Variants in IL36RN observed in about 807,000 individuals in gnomAD.
IL36RN encodes the protein interleukin 36 receptor antagonist.
A neutral mutation model predicts 13.0 loss-of-function variants in IL36RN; 11 were observed. The observed-to-expected ratio is 0.85, with a 90% confidence interval of 0.53 to 1.40. IL36RN has a LOEUF of 1.40. Ranked by LOEUF, IL36RN falls within the 40% of genes most tolerant of loss-of-function variation. IL36RN has a pLI of 0.00. For synonymous variants in IL36RN, 94 were observed against 84.1 expected, an observed-to-expected ratio of 1.12 and a Z score of -0.64; for missense variants, 195 against 195.3, an observed-to-expected ratio of 1.00 and a Z score of 0.01.
intron 2 of IL36RN, 125 bp downstream of exon 2, chr2:113,059,592 AC>A: frequency 9.2e-7 from 1 of 1,085,848 alleles, no homozygotes; most frequent in Non-Finnish European, 1.4e-6. Context: ...GGAAATTGTG[AC>A]CAGCACCTCA....
At chr2:113,061,996 T>C in intron 3 of IL36RN, 128 bp from the exon 4 acceptor site, 1 of 1,284,788 alleles carries the variant, frequency 7.8e-7, no homozygotes. Context: ...TGACAGCTGC[T>C]GAGAAGCCTC....
intron 2 of IL36RN, 128 bp from the exon 3 acceptor site, chr2:113,060,724 G>A (rs2105067896): frequency 1.4e-6 from 1 of 734,228 alleles, no homozygotes. Flanking sequence ...AGGCTGTGCT[G>A]TTACTTCTGG....
intron 2 of IL36RN, among the ~76,000 whole-genome samples, chr2:113,059,878 T>C (rs1530549): frequency 0.1 from 15,915 of 152,186 alleles, 879 homozygotes; most frequent in Admixed American, 0.14. Context: ...TTACCATCAG[T>C]CAGTCTGTCC....
In IL36RN at chr2:113,060,737, C is replaced by T; in HGVS notation, c.30-115C>T. ...CAAGGCTGTGCTGTTACTTCTGGCA[C>T]AGTAGGAAGAAAGAGAGACAAAATG... On this transcript the variant is annotated intron_variant, in intron 2 of 4. Coordinates refer to ENST00000393200, the MANE Select transcript of IL36RN (RefSeq NM_012275.3). 5 of 765,226 alleles carry T rather than the reference C, an allele frequency of 6.5e-6. No individual in the cohort carries two copies. The South Asian group carries it at 7.4e-5, about 11-fold the overall frequency. 47.4% of individuals were successfully genotyped at this position (765,226 alleles called of 1,614,324 possible).
intron 2 of IL36RN, among the ~76,000 whole-genome samples, chr2:113,060,631 T>C (rs1229854842): frequency 3.3e-5 from 5 of 152,132 alleles, no homozygotes; most frequent in African/African-American, 4.8e-5. Flanking sequence ...TTGAATAGGG[T>C]GAAGGAGCAA....
At chr2:113,062,419 T>G in intron 4 of IL36RN, 34 bp from the exon 5 acceptor site, 2 of 1,612,336 alleles carry the variant, frequency 1.2e-6, no homozygotes, top group Non-Finnish European at 1.7e-6. Flanking sequence ...CCCCTGCTTC[T>G]GCCCTCACCT....
At position 113,062,183 on chromosome 2, in the gene IL36RN, C is replaced by T; in HGVS notation, c.175C>T (p.Leu59=). 1 of 1,614,116 alleles carries T rather than the reference C, an allele frequency of 6.2e-7. No individual in the cohort carries two copies. Among genetic ancestry groups the T allele is most frequent in the African/African-American group, 1.3e-5 (1 of 75,054 alleles). ...WLDASLSPVI[L]GVQGGSQCLS... ...GGATGCCAGCCTGTCCCCCGTCATC[C>T]TGGGTGTCCAGGGTGGAAGCCAGTG... Residue 59 remains leucine, a synonymous_variant, in exon 4 of 5, where the codon CTG becomes TTG. Transcript: ENST00000393200.
In IL36RN at chr2:113,064,026, T is replaced by C. The variant is rs1190080372; in HGVS notation, c.*1349T>C. The C allele has an allele frequency of 6.6e-6, 1 of 152,138 alleles. No individual in the cohort carries two copies. The highest frequency in any genetic ancestry group is 1.5e-5 in the Non-Finnish European group (1 of 68,010). 9.4% of individuals were successfully genotyped at this position (152,138 alleles called of 1,614,324 possible). On this transcript the variant is annotated 3_prime_UTR_variant, in exon 5 of 5. Transcript: ENST00000393200. ...TGGATGAAGGTAGACCTAAATTCAA[T>C]ATGACTGGTTTCCTTGTATGAAAAG... is the stretch of plus-strand genomic sequence containing the variant.
At chr2:113,062,364 G>A in intron 4 of IL36RN, 89 bp from the exon 5 acceptor site, 2 of 1,604,856 alleles carry the variant, frequency 1.2e-6, no homozygotes, top group Non-Finnish European at 1.7e-6. Flanking sequence ...TCTGTTGATG[G>A]CAGCTTTGCC....
Position 113,062,817 on chromosome 2 carries a change from C to T in IL36RN, c.*140C>T. The stretch of plus-strand genomic sequence containing the variant: ...AGTGGGCACCTGACCACTTTGTCTT[C>T]TGGTTCCCAGTTTGGATAAATTCTG... On this transcript the variant is annotated 3_prime_UTR_variant, in exon 5 of 5. Coordinates refer to ENST00000393200, the MANE Select transcript of IL36RN (RefSeq NM_012275.3). 1.3e-6 allele frequency: 1 copy of T among 764,576 alleles called. No individual in the cohort carries two copies. The highest frequency in any genetic ancestry group is 1.5e-5 in the South Asian group (1 of 66,566). 47.4% of individuals were successfully genotyped at this position (764,576 alleles called of 1,614,324 possible).
At position 113,062,863 on chromosome 2, in the gene IL36RN, G is replaced by A. The variant is rs1469520142; in HGVS notation, c.*186G>A. On this transcript the variant is annotated 3_prime_UTR_variant, in exon 5 of 5. Coordinates refer to ENST00000393200, the MANE Select transcript of IL36RN (RefSeq NM_012275.3). Reference sequence around the variant, plus strand: ...TTCTGAGATTTGGAGCTCAGTCCACGGTCCTCCCCCACTGGATGGTGCTAC... The same window carrying A: ...TTCTGAGATTTGGAGCTCAGTCCACAGTCCTCCCCCACTGGATGGTGCTAC... The A allele has an allele frequency of 9.1e-6, 6 of 658,600 alleles. No individual in the cohort carries two copies. Among genetic ancestry groups the A allele is most frequent in the African/African-American group, 3.5e-5 (2 of 56,354 alleles). 40.8% of individuals were successfully genotyped at this position (658,600 alleles called of 1,614,324 possible).
intron 2 of IL36RN, among the ~76,000 whole-genome samples, chr2:113,059,859 C>G (rs1246905432): frequency 6.6e-6 from 1 of 152,180 alleles, no homozygotes; most frequent in Non-Finnish European, 1.5e-5. Flanking sequence ...AATAATAAAA[C>G]AAAAACCATT....
intron 1 of IL36RN, 79 bp downstream of exon 1, chr2:113,059,320 A>G (rs1275876867): frequency 4.5e-6 from 5 of 1,118,554 alleles, no homozygotes; most frequent in Admixed American, 3.6e-5. Context: ...GGCTGTTCAC[A>G]TGCTGGGGAG....
intron 4 of IL36RN, 31 bp downstream of exon 4, chr2:113,062,282 C>T (rs751374265): frequency 4.6e-5 from 75 of 1,613,302 alleles, no homozygotes; most frequent in Non-Finnish European, 5.9e-5. Context: ...ACTGGGGACT[C>T]AGCCACAGAT....
Position 113,063,390 on chromosome 2 carries a change from CA to C in IL36RN, c.*716del, listed in dbSNP as rs1159158766. On this transcript the variant is annotated 3_prime_UTR_variant, in exon 5 of 5. Transcript: ENST00000393200. The stretch of plus-strand genomic sequence containing the variant: ...ATGACATATTGAGAAGACCTACTTA[CA>C]AAGTGGCATATATTGCAATTTATTT... The C allele has an allele frequency of 2.0e-5, 3 of 152,726 alleles. No homozygotes were observed. The highest frequency in any genetic ancestry group is 4.4e-5 in the Non-Finnish European group (3 of 68,470). 9.5% of individuals were successfully genotyped at this position (152,726 alleles called of 1,614,324 possible). A position where few individuals can be genotyped will look rare whatever the true frequency, so the allele number is the denominator to read the frequency against.
In IL36RN at chr2:113,060,902, T is replaced by C. The variant is rs387906914; in HGVS notation, c.80T>C (p.Leu27Pro). ...CTTTATCTGCATAATAACCAGCTTC[T>C]AGCTGGAGGGCTGCATGCAGGGAAG... is the stretch of plus-strand genomic sequence containing the variant. The part of the protein sequence containing the change: ...KVLYLHNNQL[L>P]AGGLHAGKVI... The change falls in exon 3 of 5, where the codon CTA (leucine) becomes CCA (proline). Residue 27 changes from leucine (L) to proline (P), a missense_variant. Transcript: ENST00000393200. The C allele has an allele frequency of 4.3e-5, 69 of 1,614,008 alleles. 1 individual carries two copies. In the Admixed American group the frequency reaches 9.8e-4, roughly 23 times the overall value.
chr2:113,062,428 C>T, intron 4 of IL36RN, 25 bp from the exon 5 acceptor site: 1 of 1,613,364 alleles, frequency 6.2e-7, no homozygotes, highest in Non-Finnish European at 8.5e-7. Context: ...CTGCCCTCAC[C>T]TGACCTCCCC....
Position 113,060,838 on chromosome 2 carries a change from T to A in IL36RN, c.30-14T>A, listed in dbSNP as rs886054766. 6.2e-7 allele frequency: 1 copy of A among 1,606,238 alleles called. No individual in the cohort carries two copies. Among genetic ancestry groups the A allele is most frequent in the Non-Finnish European group, 8.5e-7 (1 of 1,173,012 alleles). On this transcript the variant is annotated splice_polypyrimidine_tract_variant and intron_variant, in intron 2 of 4. Transcript: ENST00000393200. Reference sequence around the variant, plus strand: ...TCCTCCTAATGTAGTCCTCACCCCTTCCTGATGTTTCAGAATGAAGGACTC... The same window carrying A: ...TCCTCCTAATGTAGTCCTCACCCCTACCTGATGTTTCAGAATGAAGGACTC...
chr2:113,061,900 G>C (rs1685647946), intron 3 of IL36RN, among the ~76,000 whole-genome samples: 1 of 152,162 alleles, frequency 6.6e-6, no homozygotes, highest in South Asian at 2.1e-4. Context: ...ATTTGACCCT[G>C]AACTAGAGGG....
Sources: allele counts gnomAD v4.1 joint callset (sites outside exome capture counted in the v4.1 genomes callset), GRCh38; gene constraint gnomAD v4.1.1; transcripts MANE v1.5; gene names NCBI Gene and HGNC (gene_info 2026-07-23, HGNC 2026-07-21).